TTLL11: variants seen among roughly 807,000 people sequenced by gnomAD.
TTLL11 encodes the protein tubulin tyrosine ligase like 11.
A neutral mutation model predicts 51.7 loss-of-function variants in TTLL11; 42 were observed. The observed-to-expected ratio is 0.81, with a 90% CI of 0.64 to 1.05. TTLL11 has a LOEUF of 1.05. TTLL11 is among the 50% of genes least tolerant of loss of function. The pLI is 0.00. For synonymous variants in TTLL11, 381 were observed against 383.5 expected (o/e 0.99, Z 0.08); for missense variants, 799 against 940.4 (o/e 0.85, Z 1.97).
intron 3 of TTLL11, among the ~76,000 whole-genome samples, chr9:121,994,986 T>A (rs969995047): frequency 4.6e-5 from 7 of 152,038 alleles, no homozygotes; most frequent in Non-Finnish European, 1.0e-4. Flanking sequence ...GTCTAGGTAG[T>A]CACAGGGAAT....
chr9:121,935,478 T>C (rs1841168312), intron 6 of TTLL11, among the ~76,000 whole-genome samples: 1 of 152,220 alleles, frequency 6.6e-6, no homozygotes, highest in African/African-American at 2.4e-5. Flanking sequence ...AGACAAGGCC[T>C]TGTCAGGCAT....
At chr9:121,940,894 C>T (rs1195623594) in intron 6 of TTLL11, among the ~76,000 whole-genome samples, 1 of 152,182 alleles carries the variant, frequency 6.6e-6, no homozygotes, top group African/African-American at 2.4e-5. Context: ...GGTCTTTATT[C>T]ACCATCAAAC....
intron 3 of TTLL11, among the ~76,000 whole-genome samples, chr9:122,008,375 A>G (rs1041235139): frequency 6.6e-6 from 1 of 152,264 alleles, no homozygotes; most frequent in Non-Finnish European, 1.5e-5. Context: ...TACTCAGCTC[A>G]GTAGTAAGAA....
At chr9:122,019,992 A>G (rs28647356) in intron 3 of TTLL11, among the ~76,000 whole-genome samples, 6,689 of 152,234 alleles carry the variant, frequency 0.044, 173 homozygotes, top group African/African-American at 0.073. Context: ...ATTGTGAGGC[A>G]TCCCCAGCCA....
At chr9:121,898,624 G>A (rs1173921823) in intron 6 of TTLL11, among the ~76,000 whole-genome samples, 2 of 152,242 alleles carry the variant, frequency 1.3e-5, no homozygotes, top group African/African-American at 2.4e-5. Context: ...TGATGGCCGT[G>A]TGTCCACCGA....
In TTLL11 at chr9:122,072,857, A is replaced by T. The variant is rs545797317; in HGVS notation, c.462+19830T>A. Among the ~76,000 whole-genome samples the T allele has an allele frequency of 2.0e-5, 3 of 151,954 alleles. No homozygotes were observed. The East Asian group carries it at 5.8e-4, about 29-fold the overall frequency. ...TTCCCTGTAACATCGCGCTTCCTAC[A>T]CCGGATAGTAATAAGCAGAGAGGGA... On this transcript the variant is annotated intron_variant, in intron 1 of 8. Transcript: ENST00000321582.
chr9:121,967,690 T>C (rs1842442593), intron 6 of TTLL11, among the ~76,000 whole-genome samples: 1 of 152,160 alleles, frequency 6.6e-6, no homozygotes, highest in Non-Finnish European at 1.5e-5. Context: ...TGCCAACATA[T>C]GAAATAGATC....
intron 6 of TTLL11, among the ~76,000 whole-genome samples, chr9:121,915,599 G>A (rs1381013842): frequency 6.6e-6 from 1 of 151,996 alleles, no homozygotes; most frequent in African/African-American, 2.4e-5. Flanking sequence ...TGCCTACCTG[G>A]TATTTCCCAG....
At chr9:122,028,207 A>C (rs930084938) in intron 3 of TTLL11, among the ~76,000 whole-genome samples, 2 of 152,208 alleles carry the variant, frequency 1.3e-5, no homozygotes, top group Non-Finnish European at 2.9e-5. Flanking sequence ...CAACAGAATA[A>C]ATAGAAAAGA....
chr9:122,076,858 A>G (rs1845874523), intron 1 of TTLL11, among the ~76,000 whole-genome samples: 1 of 152,226 alleles, frequency 6.6e-6, no homozygotes, highest in Admixed American at 6.5e-5. Flanking sequence ...AGAATAAATC[A>G]GAAGAAATCC....
chr9:121,979,297 T>A (rs577611048), intron 4 of TTLL11, among the ~76,000 whole-genome samples: 248 of 152,256 alleles, frequency 1.6e-3, no homozygotes, highest in African/African-American at 5.7e-3. Context: ...ATGACTGCAG[T>A]CCTGGCCAAC....
At chr9:121,881,032 C>T (rs182419025) in intron 6 of TTLL11, among the ~76,000 whole-genome samples, 1 of 152,324 alleles carries the variant, frequency 6.6e-6, no homozygotes, top group East Asian at 1.9e-4. Flanking sequence ...CCTGTCTCTA[C>T]CCTGGAAGAA....
intron 3 of TTLL11, among the ~76,000 whole-genome samples, chr9:122,031,439 T>A (rs555410329): frequency 6.6e-6 from 1 of 152,262 alleles, no homozygotes; most frequent in South Asian, 2.1e-4. Context: ...CGGCTCCAGC[T>A]CCCTGGCTCC....
intron 1 of TTLL11, among the ~76,000 whole-genome samples, chr9:122,042,160 A>C (rs1215648726): frequency 3.3e-5 from 5 of 152,090 alleles, no homozygotes; most frequent in Admixed American, 2.0e-4. Flanking sequence ...GATTACTGGC[A>C]CATGCCAGCG....
At chr9:122,025,860 G>A (rs1371054454) in intron 3 of TTLL11, among the ~76,000 whole-genome samples, 2 of 152,152 alleles carry the variant, frequency 1.3e-5, no homozygotes, top group African/African-American at 2.4e-5. Flanking sequence ...TGGTGTATTT[G>A]TAACAGCCAG....
At chr9:121,999,924 T>G (rs1843410041) in intron 3 of TTLL11, among the ~76,000 whole-genome samples, 1 of 152,190 alleles carries the variant, frequency 6.6e-6, no homozygotes, top group African/African-American at 2.4e-5. Context: ...AAGGCCACAC[T>G]TTTTCTGCTA....
chr9:121,923,403 T>C (rs905002220), intron 6 of TTLL11, among the ~76,000 whole-genome samples: 1 of 151,556 alleles, frequency 6.6e-6, no homozygotes, highest in African/African-American at 2.4e-5. Flanking sequence ...TTAAAATTGC[T>C]GGTAGAAGTT....
At chr9:121,834,376 G>A (rs1415812696) in intron 8 of TTLL11, among the ~76,000 whole-genome samples, 1 of 152,156 alleles carries the variant, frequency 6.6e-6, no homozygotes, top group African/African-American at 2.4e-5. Context: ...AGATGAGCTG[G>A]TCCGGGTCCC....
At chr9:121,984,321 G>A (rs944437759) in intron 4 of TTLL11, among the ~76,000 whole-genome samples, 1 of 152,124 alleles carries the variant, frequency 6.6e-6, no homozygotes, top group Non-Finnish European at 1.5e-5. Context: ...AGCTGTTGTG[G>A]TTACAGATAA....
Sources: allele counts gnomAD v4.1 joint callset (sites outside exome capture counted in the v4.1 genomes callset), GRCh38; gene constraint gnomAD v4.1.1; transcripts MANE v1.5; gene names NCBI Gene and HGNC (gene_info 2026-07-23, HGNC 2026-07-21).